Variants in MCF2L observed in about 807,000 individuals in gnomAD.
MCF2L encodes MCF.2 cell line derived transforming sequence like.
Under a neutral mutation model 153.4 loss-of-function variants are expected in MCF2L, and 97 were observed. That is an observed-to-expected ratio of 0.63 (90% CI 0.54 to 0.75). The LOEUF is 0.75. MCF2L is among the 30% of genes least tolerant of loss of function. MCF2L has a pLI of 0.00. For missense variants in MCF2L, 1,347 were observed against 1,495.2 expected, an observed-to-expected ratio of 0.90 and a Z score of 1.64; for synonymous variants, 659 against 632.2, an observed-to-expected ratio of 1.04 and a Z score of -0.64.
intron 9 of MCF2L, among the ~76,000 whole-genome samples, chr13:113,072,748 A>G (rs575812817): frequency 1.3e-4 from 20 of 151,882 alleles, no homozygotes; most frequent in Non-Finnish European, 2.5e-4. Context: ...TTTCTTTGTC[A>G]ATCTAGATTG....
rs143325378 is a variant in MCF2L, at chr13:112,954,785, G to A, written c.169+52414G>A. On this transcript the variant is annotated intron_variant, in intron 2 of 29. Transcript: ENST00000375608. ...GTGTAAATAGCAGGTGCTCCTAGTC[G>A]CTGCTTTGCTGTGAAAAGAGAAAAG... Among the ~76,000 whole-genome samples the A allele has an allele frequency of 1.0e-3, 153 of 152,292 alleles. 1 individual carries two copies. The highest frequency in any genetic ancestry group is 3.2e-3 in the African/African-American group (131 of 41,542).
In MCF2L at chr13:113,083,863, C is replaced by T. The variant is rs74115790; in HGVS notation, c.1992-135C>T. 5.6e-3 allele frequency: 3,999 copies of T among 718,190 alleles called. 131 individuals carry two copies. The African/African-American group carries it at 0.059, about 11-fold the overall frequency. 44.5% of individuals were successfully genotyped at this position (718,190 alleles called of 1,614,324 possible). A position where few individuals can be genotyped will look rare whatever the true frequency, so the allele number is the denominator to read the frequency against. ...GTGCTCAGGACAGGCGTGGCTGCGG[C>T]GTCTCCAAGTCATGCGGGGCAGATT... On this transcript the variant is annotated intron_variant, in intron 17 of 29. Transcript: ENST00000535094.
At chr13:113,048,678 G>A (rs967191800) in intron 4 of MCF2L, among the ~76,000 whole-genome samples, 1 of 152,088 alleles carries the variant, frequency 6.6e-6, no homozygotes, top group Non-Finnish European at 1.5e-5. Flanking sequence ...TCCTGACCTC[G>A]TGATCCGCCT....
At chr13:112,989,837 C>T (rs2082828796) in intron 1 of MCF2L, among the ~76,000 whole-genome samples, 1 of 152,226 alleles carries the variant, frequency 6.6e-6, no homozygotes, top group Non-Finnish European at 1.5e-5. Flanking sequence ...CTTTCTGGCA[C>T]CGGGGACCAG....
chr13:112,942,096 C>G (rs1016205943), intron 2 of MCF2L, among the ~76,000 whole-genome samples: 2 of 152,210 alleles, frequency 1.3e-5, no homozygotes, highest in African/African-American at 4.8e-5. Flanking sequence ...AGAGAAGACT[C>G]TACTCCTCCA....
chr13:113,065,679 C>T (rs2032251740), intron 7 of MCF2L, among the ~76,000 whole-genome samples: 1 of 152,266 alleles, frequency 6.6e-6, no homozygotes, highest in South Asian at 2.1e-4. Context: ...AGGGCCATGA[C>T]CTGCTGGTGT....
At chr13:113,044,471 G>A (rs4907577) in intron 3 of MCF2L, 170,310 of 625,938 alleles carry the variant, frequency 0.27, 24,041 homozygotes, top group Admixed American at 0.32. Context: ...TGATTTTCAT[G>A]TAAACCTAGG....
chr13:113,032,735 A>G (rs2085803935), intron 3 of MCF2L, among the ~76,000 whole-genome samples: 1 of 152,058 alleles, frequency 6.6e-6, no homozygotes, highest in African/African-American at 2.4e-5. Context: ...ACACCCGGCT[A>G]ATTTGGGTAT....
At chr13:112,961,488 G>T (rs957730258) in intron 2 of MCF2L, among the ~76,000 whole-genome samples, 2 of 152,200 alleles carry the variant, frequency 1.3e-5, no homozygotes, top group African/African-American at 4.8e-5. Context: ...GAGGAGCTCT[G>T]GTTCCTCCTC....
Position 112,951,192 on chromosome 13 carries a change from A to T in MCF2L, c.169+48821A>T. 6.6e-6 allele frequency among the ~76,000 whole-genome samples: 1 copy of T among 152,204 alleles called. No homozygotes were observed. The highest frequency in any genetic ancestry group is 1.9e-4 in the East Asian group (1 of 5,202). On this transcript the variant is annotated intron_variant, in intron 2 of 29. Coordinates refer to the MCF2L transcript ENST00000375608. This position sits in a 1 kb window ranked among gnomAD's most constrained non-coding sequence, Gnocchi z 4.8. ...CCTCAGGAGAGCTAAGATAAAAGAT[A>T]GTGCCAACTTCGAATGCTGGCAGGG... is the stretch of plus-strand genomic sequence containing the variant.
At chr13:113,032,752 T>C (rs1167024384) in intron 3 of MCF2L, among the ~76,000 whole-genome samples, 1 of 152,152 alleles carries the variant, frequency 6.6e-6, no homozygotes, top group East Asian at 1.9e-4. Flanking sequence ...GTATTTTCTG[T>C]AGAAATGGAG....
intron 1 of MCF2L, among the ~76,000 whole-genome samples, chr13:113,003,803 T>C (rs2083519041): frequency 6.6e-6 from 1 of 152,128 alleles, no homozygotes; most frequent in Non-Finnish European, 1.5e-5. Flanking sequence ...CCCTCCTCAC[T>C]CCTGCAGAGG....
In MCF2L at chr13:113,064,141, C is replaced by T. The variant is rs1414848399; in HGVS notation, c.490-163C>T. ...GGGGCGCTGAGCTGCATCCCATCCG[C>T]ACATCCATCCGCAGTGTCCAGGTGC... On this transcript the variant is annotated intron_variant, in intron 5 of 29. Transcript: ENST00000535094. This position sits in a 1 kb window ranked among gnomAD's most constrained non-coding sequence, Gnocchi z 6.0. Among the ~76,000 whole-genome samples, 1 of 152,158 alleles carries T rather than the reference C, an allele frequency of 6.6e-6. No individual in the cohort carries two copies. Among genetic ancestry groups the T allele is most frequent in the Non-Finnish European group, 1.5e-5 (1 of 68,018 alleles).
chr13:113,038,900 C>T (rs1482710949), intron 3 of MCF2L, among the ~76,000 whole-genome samples: 1 of 152,200 alleles, frequency 6.6e-6, no homozygotes, highest in Non-Finnish European at 1.5e-5. Context: ...CTGTGTCACC[C>T]AGGCTGGAGT....
At chr13:112,917,156 T>A (rs533281395) in intron 2 of MCF2L, 41 of 471,166 alleles carry the variant, frequency 8.7e-5, no homozygotes, top group South Asian at 6.3e-4. Flanking sequence ...CCCACCTGAG[T>A]GTGATGATTC....
At chr13:113,079,832 G>C (rs4907586) in intron 15 of MCF2L, among the ~76,000 whole-genome samples, 1 of 1,220 alleles carries the variant, frequency 8.2e-4, no homozygotes, top group African/African-American at 1.6e-3. Flanking sequence ...GGAGGGTCCA[G>C]GCAGAGGAGA....
intron 3 of MCF2L, among the ~76,000 whole-genome samples, chr13:113,033,221 G>A: frequency 6.7e-6 from 1 of 149,394 alleles, no homozygotes; most frequent in East Asian, 2.0e-4. Context: ...CGTGACATGA[G>A]TGGCCCCCGT....
At chr13:112,999,212 C>G (rs946883525) in intron 1 of MCF2L, among the ~76,000 whole-genome samples, 3 of 152,186 alleles carry the variant, frequency 2.0e-5, no homozygotes, top group Admixed American at 2.0e-4. Flanking sequence ...TGCGTGGCCC[C>G]CTTGCTTGTT....
At chr13:112,903,923 A>C (rs1343668783) in intron 2 of MCF2L, among the ~76,000 whole-genome samples, 3 of 152,200 alleles carry the variant, frequency 2.0e-5, no homozygotes, top group African/African-American at 7.2e-5. Context: ...AGGGGGCTTC[A>C]GAAGAGGGCA....
Sources: allele counts gnomAD v4.1 joint callset (sites outside exome capture counted in the v4.1 genomes callset), GRCh38; gene constraint gnomAD v4.1.1; non-coding constraint Gnocchi (gnomAD v3.1); transcripts MANE v1.5; gene names NCBI Gene and HGNC (gene_info 2026-07-23, HGNC 2026-07-21).